SPATA16: variants seen among roughly 807,000 people sequenced by gnomAD.
SPATA16 encodes the protein spermatogenesis-associated protein 16.
In SPATA16, 36 loss-of-function variants were observed where a neutral mutation model predicts 63.3. The ratio of observed to expected loss-of-function variants is 0.57; its 90% CI spans 0.44 to 0.75. The LOEUF is 0.75. Among genes scored for constraint, SPATA16 ranks in the 30% least tolerant of loss-of-function variants. SPATA16 has a pLI of 0.00. For missense variants in SPATA16, 646 were observed against 679.3 expected (o/e 0.95, Z 0.54); for synonymous variants, 203 against 216.7 (o/e 0.94, Z 0.56).
At position 173,015,288 on chromosome 3, in the gene SPATA16, T is replaced by C. The variant is rs183452715; in HGVS notation, c.848+4198A>G. Among the ~76,000 whole-genome samples, 3 of 152,354 alleles carry C rather than the reference T, an allele frequency of 2.0e-5. No individual in the cohort carries two copies. In the East Asian group the frequency reaches 5.8e-4, roughly 29 times the overall value. ...CATGTTGGCCAGGCTGCTCTCGAACTCTTGGCCTCAGGTGATCTGCCCACC... is the reference window on the plus strand; with the variant it reads ...CATGTTGGCCAGGCTGCTCTCGAACCCTTGGCCTCAGGTGATCTGCCCACC... On this transcript the variant is annotated intron_variant, in intron 4 of 10. Coordinates refer to ENST00000351008, the MANE Select transcript of SPATA16 (RefSeq NM_031955.6).
At chr3:173,133,391 G>A (rs188712842) in intron 1 of SPATA16, among the ~76,000 whole-genome samples, 1 of 152,300 alleles carries the variant, frequency 6.6e-6, no homozygotes, top group Non-Finnish European at 1.5e-5. Flanking sequence ...CCAATGTGGT[G>A]GTGGCCCGCA....
chr3:172,955,572 A>C (rs1479574524), intron 6 of SPATA16, among the ~76,000 whole-genome samples: 2 of 151,910 alleles, frequency 1.3e-5, no homozygotes, highest in African/African-American at 4.8e-5. Context: ...TCAAATTACC[A>C]TTGTTCCTTA....
intron 4 of SPATA16, among the ~76,000 whole-genome samples, chr3:173,018,003 G>T (rs1735231644): frequency 6.6e-6 from 1 of 152,124 alleles, no homozygotes; most frequent in African/African-American, 2.4e-5. Flanking sequence ...ATAAAAAGTA[G>T]GAAGAAGTAA....
intron 2 of SPATA16, among the ~76,000 whole-genome samples, chr3:173,051,220 T>C (rs2108295086): frequency 6.6e-6 from 1 of 152,340 alleles, no homozygotes; most frequent in South Asian, 2.1e-4. Flanking sequence ...TCTTTTCTTT[T>C]AAGACAGAGT....
chr3:173,126,465 C>T (rs900094230), intron 1 of SPATA16, among the ~76,000 whole-genome samples: 9 of 152,170 alleles, frequency 5.9e-5, no homozygotes. Flanking sequence ...GTTTGAATCT[C>T]GTTCTCTTTC....
intron 6 of SPATA16, among the ~76,000 whole-genome samples, chr3:172,948,157 C>T (rs922072917): frequency 8.6e-5 from 13 of 151,896 alleles, no homozygotes; most frequent in African/African-American, 2.9e-4. Context: ...CAGATTTAAC[C>T]CCAAGAAGAC....
intron 3 of SPATA16, among the ~76,000 whole-genome samples, chr3:173,038,171 AG>A (rs1321994468): frequency 2.0e-5 from 3 of 152,052 alleles, no homozygotes; most frequent in Non-Finnish European, 4.4e-5. Context: ...TAAAATGAGT[AG>A]GGGTTGGCAT....
intron 10 of SPATA16, among the ~76,000 whole-genome samples, chr3:172,895,220 G>A (rs1731982325): frequency 6.6e-6 from 1 of 152,218 alleles, no homozygotes; most frequent in Non-Finnish European, 1.5e-5. Flanking sequence ...ATACGGAACA[G>A]TTCCATTACC....
chr3:172,951,129 C>G (rs1370881503), intron 6 of SPATA16, among the ~76,000 whole-genome samples: 1 of 151,982 alleles, frequency 6.6e-6, no homozygotes, highest in African/African-American at 2.4e-5. Flanking sequence ...TATACCCTGA[C>G]TACTCTGTAT....
intron 6 of SPATA16, among the ~76,000 whole-genome samples, chr3:172,933,764 G>T (rs1030395614): frequency 6.6e-6 from 1 of 152,166 alleles, no homozygotes; most frequent in African/African-American, 2.4e-5. Context: ...CACTAAGTCA[G>T]TTTGAGCTGT....
intron 4 of SPATA16, among the ~76,000 whole-genome samples, chr3:173,004,209 T>C (rs1449902507): frequency 6.6e-6 from 1 of 152,176 alleles, no homozygotes; most frequent in Non-Finnish European, 1.5e-5. Flanking sequence ...GCTGTTAGAA[T>C]TTCCAGCCTG....
intron 6 of SPATA16, among the ~76,000 whole-genome samples, chr3:172,956,285 G>T (rs1042758379): frequency 3.9e-5 from 6 of 152,112 alleles, no homozygotes; most frequent in Non-Finnish European, 8.8e-5. Flanking sequence ...ATGTGAGATA[G>T]ATGGGGGGAT....
At chr3:173,081,705 C>T (rs974030437) in intron 2 of SPATA16, among the ~76,000 whole-genome samples, 2 of 152,020 alleles carry the variant, frequency 1.3e-5, no homozygotes, top group African/African-American at 4.8e-5. Flanking sequence ...CACATAAAAC[C>T]GTTCGTGAGA....
intron 2 of SPATA16, among the ~76,000 whole-genome samples, chr3:173,052,728 T>G (rs1056290684): frequency 6.6e-6 from 1 of 152,342 alleles, no homozygotes; most frequent in African/African-American, 2.4e-5. Flanking sequence ...ATGAAGAAAC[T>G]TAATGTGGTG....
At chr3:172,994,897 G>A (rs907521986) in intron 4 of SPATA16, among the ~76,000 whole-genome samples, 1 of 152,064 alleles carries the variant, frequency 6.6e-6, no homozygotes, top group African/African-American at 2.4e-5. Flanking sequence ...TGAGAGTTAA[G>A]TTTTTGAGAC....
intron 10 of SPATA16, among the ~76,000 whole-genome samples, chr3:172,893,926 G>A (rs1731948837): frequency 6.6e-6 from 1 of 152,174 alleles, no homozygotes; most frequent in Non-Finnish European, 1.5e-5. Flanking sequence ...CATGCCTTAG[G>A]AATTGAGGGC....
At chr3:173,112,386 A>G (rs542059746) in intron 2 of SPATA16, among the ~76,000 whole-genome samples, 3 of 152,340 alleles carry the variant, frequency 2.0e-5, no homozygotes, top group African/African-American at 7.2e-5. Context: ...CTGATTCTGC[A>G]GGTCTGGCAA....
chr3:173,028,003 C>CT, intron 3 of SPATA16, among the ~76,000 whole-genome samples: 10 of 71,412 alleles, frequency 1.4e-4, no homozygotes, highest in African/African-American at 5.1e-4. Context: ...CCCTCCCTCC[C>CT]TCCCTCCCTC....
At chr3:172,956,958 T>C (rs1733611767) in intron 5 of SPATA16, 134 bp from the exon 6 acceptor site, 1 of 1,082,566 alleles carries the variant, frequency 9.2e-7, no homozygotes. Context: ...ATTTTGGTCT[T>C]GAATATTCAT....
Sources: allele counts gnomAD v4.1 joint callset (sites outside exome capture counted in the v4.1 genomes callset), GRCh38; gene constraint gnomAD v4.1.1; transcripts MANE v1.5; gene names NCBI Gene and HGNC (gene_info 2026-07-23, HGNC 2026-07-21).